The following LMO7 variants were observed in gnomAD, a reference collection of about 807,000 sequenced individuals.
LMO7 encodes the protein LIM domain 7, also known as LIM domain only protein 7.
LMO7 carries 120 observed loss-of-function variants against 206.5 expected under a neutral mutation model. The observed-to-expected ratio is 0.58, with a 90% CI of 0.50 to 0.68. LMO7 has a LOEUF of 0.68. LMO7 is among the 30% of genes least tolerant of loss of function. The pLI, the probability that LMO7 is intolerant of heterozygous loss-of-function variation, is 0.00. For synonymous variants in LMO7, 706 were observed against 681.5 expected (o/e 1.04, Z -0.56); for missense variants, 1,959 against 1,957.9 (o/e 1.00, Z -0.01).
chr13:75,807,670 T>TC lies in LMO7; in HGVS notation c.1387_1388insC (p.Phe463SerfsTer20). On this transcript the variant is annotated frameshift_variant, in exon 10 of 31. Transcript: ENST00000377534. LOFTEE classifies it high-confidence loss of function. ...GGATCCTGACTTAGAGAATGATGAT[T>TC]TCTTTGTCAGAAAGACTGGGGCTTT... 6.2e-7 allele frequency: 1 copy of TC among 1,614,016 alleles called. No homozygotes were observed. The highest frequency in any genetic ancestry group is 8.5e-7 in the Non-Finnish European group (1 of 1,179,888).
At chr13:75,805,129 T>C in intron 8 of LMO7, 1 of 1,054,800 alleles carries the variant, frequency 9.5e-7, no homozygotes, top group Non-Finnish European at 1.1e-6. Context: ...ATGTTTGCCA[T>C]GGGGCTATAT....
In LMO7 at chr13:75,732,264, G is replaced by A. The variant is rs558796009; in HGVS notation, c.210+5166G>A. Among the ~76,000 whole-genome samples the A allele has an allele frequency of 2.8e-3, 426 of 152,252 alleles. 3 individuals are homozygous for A. The highest frequency in any genetic ancestry group is 9.9e-3 in the African/African-American group (411 of 41,534). ...CTCCCCGTCACTTTCAGGTACACCA[G>A]TCAGACATAGATTTGGTCTTTTCAC... is the stretch of plus-strand genomic sequence containing the variant. On this transcript the variant is annotated intron_variant, in intron 3 of 30. Coordinates refer to ENST00000377534, the MANE Select transcript of LMO7 (RefSeq NM_001306080.2).
intron 9 of LMO7, 29 bp downstream of exon 9, chr13:75,805,789 C>T: frequency 6.2e-7 from 1 of 1,605,920 alleles, no homozygotes; most frequent in Non-Finnish European, 8.5e-7. Context: ...TTCTGTCACA[C>T]CAGTGTTCAT....
At chr13:75,743,550 G>A (rs2046592602) in intron 3 of LMO7, among the ~76,000 whole-genome samples, 1 of 152,114 alleles carries the variant, frequency 6.6e-6, no homozygotes, top group Non-Finnish European at 1.5e-5. Context: ...TCCTTTGCAG[G>A]GACATGAGTG....
intron 1 of LMO7, chr13:75,688,587 A>G (rs1001500129): frequency 6.6e-6 from 1 of 152,306 alleles, no homozygotes; most frequent in Non-Finnish European, 1.5e-5. Context: ...TTTCCCATCT[A>G]TTCTTTGCAT....
chr13:75,693,241 G>T (rs2041635183), intron 1 of LMO7, among the ~76,000 whole-genome samples: 1 of 152,218 alleles, frequency 6.6e-6, no homozygotes, highest in Non-Finnish European at 1.5e-5. Flanking sequence ...TCTTATTCAT[G>T]AAAGTGCTTA....
chr13:75,628,234 G>C (rs2138757443), intron 2 of LMO7: 1 of 152,326 alleles, frequency 6.6e-6, no homozygotes, highest in African/African-American at 2.4e-5. Context: ...TCATCCTAAA[G>C]CTGCACTGGA....
rs528560164 is a variant in LMO7, at chr13:75,704,057, G to A, written c.70-9125G>A. On this transcript the variant is annotated intron_variant, in intron 1 of 30. Coordinates refer to ENST00000377534, the MANE Select transcript of LMO7 (RefSeq NM_001306080.2). ...TGTGGAGTCATGGAGATCATATAAT[G>A]GTTGTTTCGACAATGAAGTTTAATG... Among the ~76,000 whole-genome samples the A allele has an allele frequency of 2.0e-5, 3 of 152,238 alleles. No homozygotes were observed. The East Asian group carries it at 5.8e-4, about 29-fold the overall frequency.
chr13:75,712,737 A>G (rs1179438358), intron 1 of LMO7, among the ~76,000 whole-genome samples: 1 of 152,198 alleles, frequency 6.6e-6, no homozygotes, highest in African/African-American at 2.4e-5. Flanking sequence ...TAGCTTTGTA[A>G]TGAAATTTGA....
At chr13:75,763,997 G>T (rs1430225288) in intron 4 of LMO7, among the ~76,000 whole-genome samples, 1 of 152,042 alleles carries the variant, frequency 6.6e-6, no homozygotes, top group Admixed American at 6.6e-5. Flanking sequence ...TTATATTTCT[G>T]TAAATTATCC....
In LMO7 at chr13:75,662,169, A is replaced by G. The variant is rs141920045; in HGVS notation, c.69+25443A>G. On this transcript the variant is annotated intron_variant, in intron 1 of 30. Transcript: ENST00000377534. ...TCATTATGTGATACTCAAAATTCTT[A>G]ATGAAAGCTATGGATTCTTTTATTA... is the stretch of plus-strand genomic sequence containing the variant. Among the ~76,000 whole-genome samples the G allele has an allele frequency of 1.8e-3, 277 of 152,324 alleles. 2 individuals carry two copies. Among genetic ancestry groups the G allele is most frequent in the African/African-American group, 6.4e-3 (264 of 41,572 alleles).
chr13:75,769,546 T>G (rs544366972), intron 4 of LMO7, among the ~76,000 whole-genome samples: 1 of 152,254 alleles, frequency 6.6e-6, no homozygotes, highest in African/African-American at 2.4e-5. Flanking sequence ...TAAATGTAAA[T>G]GATTGATATT....
intron 1 of LMO7, among the ~76,000 whole-genome samples, chr13:75,671,551 C>T (rs1381117648): frequency 6.6e-6 from 1 of 152,174 alleles, no homozygotes; most frequent in African/African-American, 2.4e-5. Flanking sequence ...CCTTCTCTCC[C>T]AAGCCAGTTA....
At chr13:75,786,251 C>T (rs1408012601) in intron 4 of LMO7, among the ~76,000 whole-genome samples, 1 of 152,154 alleles carries the variant, frequency 6.6e-6, no homozygotes, top group South Asian at 2.1e-4. Context: ...ACTGCAGTGG[C>T]CACTCCTGCC....
intron 1 of LMO7, among the ~76,000 whole-genome samples, chr13:75,655,509 G>A (rs2037972262): frequency 6.6e-6 from 1 of 151,682 alleles, no homozygotes; most frequent in Non-Finnish European, 1.5e-5. Context: ...ACAGATCTTT[G>A]CAGAGTCTTT....
chr13:75,725,779 T>A (rs1177738175), intron 2 of LMO7, among the ~76,000 whole-genome samples: 1 of 152,082 alleles, frequency 6.6e-6, no homozygotes, highest in Non-Finnish European at 1.5e-5. Context: ...TCTAATGATC[T>A]TTGTGTGTAG....
At chr13:75,836,584 G>T (rs1026498395) in intron 19 of LMO7, 127 bp downstream of exon 19, 20 of 596,524 alleles carry the variant, frequency 3.4e-5, no homozygotes, top group South Asian at 2.2e-5. Context: ...GAAACTAAAA[G>T]GTTAACACGC....
rs892466663 is a variant in LMO7 at position 75,715,124 on chromosome 13, A to T, written c.140+1872A>T. Among the ~76,000 whole-genome samples the T allele has an allele frequency of 3.9e-5, 6 of 152,240 alleles. No homozygotes were observed. The South Asian group carries it at 1.2e-3, about 32-fold the overall frequency. ...CACTTTTGGGGCATTGACCCCATAAATAGATCATTAAACATGTTTGAGAAT... is the reference window on the plus strand; with the variant it reads ...CACTTTTGGGGCATTGACCCCATAATTAGATCATTAAACATGTTTGAGAAT... On this transcript the variant is annotated intron_variant, in intron 2 of 30. Coordinates refer to ENST00000377534, the MANE Select transcript of LMO7 (RefSeq NM_001306080.2).
intron 1 of LMO7, among the ~76,000 whole-genome samples, chr13:75,681,723 T>TATATATATATATA (rs1296797184): frequency 1.0e-5 from 1 of 100,106 alleles, no homozygotes; most frequent in Non-Finnish European, 2.2e-5. Context: ...TATATGTATA[T>TATATATATATATA]ATATATATAT....
Sources: allele counts gnomAD v4.1 joint callset (sites outside exome capture counted in the v4.1 genomes callset), GRCh38; gene constraint gnomAD v4.1.1; transcripts MANE v1.5; gene names NCBI Gene and HGNC (gene_info 2026-07-23, HGNC 2026-07-21).